MALRD1: variants seen among roughly 807,000 people sequenced by gnomAD.
MALRD1 encodes MAM and LDL receptor class A domain containing 1, also known as MAM and LDL-receptor class A domain-containing protein 1.
In MALRD1, 247 loss-of-function variants were observed where a neutral mutation model predicts 242.1. The ratio of observed to expected loss-of-function variants is 1.02; its 90% CI spans 0.92 to 1.13. MALRD1 has a LOEUF of 1.13. Ranked by LOEUF, MALRD1 falls within the 50% of genes most tolerant of loss-of-function variation. MALRD1 has a pLI of 0.00. For missense variants in MALRD1, 2,989 were observed against 2,533.1 expected (o/e 1.18, Z -3.86); for synonymous variants, 995 against 866.6 (o/e 1.15, Z -2.60).
intron 38 of MALRD1, among the ~76,000 whole-genome samples, chr10:19,699,735 C>T (rs1257024516): frequency 2.0e-5 from 3 of 151,946 alleles, no homozygotes; most frequent in Admixed American, 6.6e-5. Flanking sequence ...GGAGCTTGCA[C>T]GTCACATGGT....
chr10:19,433,916 A>G (rs900980741), intron 28 of MALRD1, among the ~76,000 whole-genome samples: 4 of 152,086 alleles, frequency 2.6e-5, no homozygotes, highest in African/African-American at 9.7e-5. Context: ...GGATATTTAT[A>G]TCATATTTAT....
chr10:19,349,186 C>T (rs1310698651), intron 25 of MALRD1, among the ~76,000 whole-genome samples: 1 of 152,160 alleles, frequency 6.6e-6, no homozygotes, highest in East Asian at 1.9e-4. Flanking sequence ...GTCTCGAACT[C>T]CTGACCTCAG....
chr10:19,420,329 G>A (rs1833676296), intron 28 of MALRD1, among the ~76,000 whole-genome samples: 2 of 152,194 alleles, frequency 1.3e-5, no homozygotes, highest in Non-Finnish European at 2.9e-5. Context: ...GCCGGTAATC[G>A]AAAAACGTTG....
rs5783654 is a variant in MALRD1, at chr10:19,112,150, ATTT to A, written c.694+8092_694+8094del. 7.4e-4 allele frequency among the ~76,000 whole-genome samples: 103 copies of A among 140,042 alleles called. 4 individuals carry two copies. The East Asian group carries it at 0.016, about 22-fold the overall frequency. 91.9% of individuals were successfully genotyped at this position (140,042 alleles called of 152,430 possible). The stretch of plus-strand genomic sequence containing the variant: ...CTGAATTTTAAATAAGATTCTCAGG[ATTT>A]TTTTTTTTTTTTTTTTATGAAGCCA... On this transcript the variant is annotated intron_variant, in intron 5 of 39. Transcript: ENST00000454679.
chr10:19,386,698 A>G (rs1393848842), intron 26 of MALRD1, among the ~76,000 whole-genome samples: 1 of 133,296 alleles, frequency 7.5e-6, no homozygotes, highest in Admixed American at 8.0e-5. Context: ...AGATATATAT[A>G]CACACACAAA....
chr10:19,123,478 T>C lies in MALRD1; in HGVS notation c.695-14T>C. The C allele has an allele frequency of 2.4e-6, 3 of 1,228,382 alleles. No individual in the cohort carries two copies. Among genetic ancestry groups the C allele is most frequent in the Non-Finnish European group, 2.0e-6 (2 of 983,088 alleles). 76.1% of individuals were successfully genotyped at this position (1,228,382 alleles called of 1,614,324 possible). A position where few individuals can be genotyped will look rare whatever the true frequency, so the allele number is the denominator to read the frequency against. ...ACCTGCATTTCACTTCTTGCCAATC[T>C]TTAAATTTAACAGATGGAATTTTAC... On this transcript the variant is annotated splice_polypyrimidine_tract_variant and intron_variant, in intron 5 of 39. Transcript: ENST00000454679.
chr10:19,456,716 G>A (rs1461050871), intron 29 of MALRD1, among the ~76,000 whole-genome samples: 3 of 151,868 alleles, frequency 2.0e-5, no homozygotes, highest in African/African-American at 4.8e-5. Flanking sequence ...GAAAAGTAAT[G>A]CACATCTCGC....
At position 19,238,532 on chromosome 10, in the gene MALRD1, CATTATATATAATAT is replaced by C. The variant is rs1284396058; in HGVS notation, c.2992-19149_2992-19136del. ...TATAATGTATATTATATATAATATA[CATTATATATAATAT>C]ATAATGTATATTATATATAATATAC... On this transcript the variant is annotated intron_variant, in intron 18 of 39. Coordinates refer to ENST00000454679, the MANE Select transcript of MALRD1 (RefSeq NM_001142308.3). Among the ~76,000 whole-genome samples, 114 of 55,860 alleles carry C rather than the reference CATTATATATAATAT, an allele frequency of 2.0e-3. 3 individuals carry two copies. Among genetic ancestry groups the C allele is most frequent in the Non-Finnish European group, 2.5e-3 (79 of 31,156 alleles). The allele number at this position is 55,860 out of a possible 152,430, so 36.6% of individuals were successfully genotyped here. A position where few individuals can be genotyped will look rare whatever the true frequency, so the allele number is the denominator to read the frequency against.
At chr10:19,460,204 G>A (rs1835871411) in intron 29 of MALRD1, among the ~76,000 whole-genome samples, 1 of 152,040 alleles carries the variant, frequency 6.6e-6, no homozygotes, top group African/African-American at 2.4e-5. Flanking sequence ...TGAAGTATAT[G>A]TCATTTAGTC....
chr10:19,661,466 T>A (rs1459696173), intron 36 of MALRD1, among the ~76,000 whole-genome samples: 1 of 152,094 alleles, frequency 6.6e-6, no homozygotes, highest in Non-Finnish European at 1.5e-5. Context: ...TAAAAAAAGA[T>A]GAGTTCATGT....
chr10:19,225,343 G>C (rs1229523455), intron 18 of MALRD1, among the ~76,000 whole-genome samples: 10 of 152,048 alleles, frequency 6.6e-5, no homozygotes, highest in African/African-American at 2.4e-4. Context: ...CAGAATTGTG[G>C]TCTATTGGAG....
At chr10:19,345,542 A>T (rs2130973550) in intron 24 of MALRD1, among the ~76,000 whole-genome samples, 1 of 152,136 alleles carries the variant, frequency 6.6e-6, no homozygotes, top group East Asian at 1.9e-4. Flanking sequence ...GGTTATAAGT[A>T]TTATAGTCTA....
intron 32 of MALRD1, among the ~76,000 whole-genome samples, chr10:19,549,948 T>C (rs1465900162): frequency 6.6e-6 from 1 of 152,212 alleles, no homozygotes; most frequent in African/African-American, 2.4e-5. Context: ...TGGAATATAA[T>C]AGAGAGCAAT....
chr10:19,363,812 T>C (rs1844999248), intron 26 of MALRD1, among the ~76,000 whole-genome samples: 1 of 152,118 alleles, frequency 6.6e-6, no homozygotes, highest in Non-Finnish European at 1.5e-5. Context: ...GAATCATCAA[T>C]AATTTCTTTA....
chr10:19,165,265 A>G (rs57291615), intron 12 of MALRD1, among the ~76,000 whole-genome samples: 28,940 of 130,278 alleles, frequency 0.22, 4,871 homozygotes, highest in Admixed American at 0.31. Flanking sequence ...ATATATATAT[A>G]TTTTGTTTTG....
chr10:19,652,587 G>A (rs373127835), intron 36 of MALRD1, among the ~76,000 whole-genome samples: 5 of 152,176 alleles, frequency 3.3e-5, no homozygotes, highest in South Asian at 4.2e-4. Flanking sequence ...ACCAAGTGTG[G>A]GTCAGTACTG....
intron 33 of MALRD1, among the ~76,000 whole-genome samples, chr10:19,586,082 C>A (rs1388306258): frequency 6.6e-6 from 1 of 152,084 alleles, no homozygotes; most frequent in Non-Finnish European, 1.5e-5. Flanking sequence ...TCCATCAGCT[C>A]CTTTAAGCAC....
intron 14 of MALRD1, among the ~76,000 whole-genome samples, chr10:19,177,633 T>C (rs981300106): frequency 6.6e-6 from 1 of 152,198 alleles, no homozygotes; most frequent in Non-Finnish European, 1.5e-5. Flanking sequence ...GGGAAAAGCA[T>C]GTGCTTTATT....
chr10:19,553,875 A>G lies in MALRD1; in HGVS notation c.5479-13627A>G, dbSNP rs998360910. ...CTCGTCTCCTAGGAAGTTTGAGACT[A>G]GAAGATCTCCAAGGTCCTTTCTAAC... is the stretch of plus-strand genomic sequence containing the variant. On this transcript the variant is annotated intron_variant, in intron 32 of 39. Coordinates refer to ENST00000454679, the MANE Select transcript of MALRD1 (RefSeq NM_001142308.3). 3.3e-5 allele frequency among the ~76,000 whole-genome samples: 5 copies of G among 152,324 alleles called. No homozygotes were observed. In the East Asian group the frequency reaches 7.7e-4, roughly 24 times the overall value.
Sources: allele counts gnomAD v4.1 joint callset (sites outside exome capture counted in the v4.1 genomes callset), GRCh38; gene constraint gnomAD v4.1.1; transcripts MANE v1.5; gene names NCBI Gene and HGNC (gene_info 2026-07-23, HGNC 2026-07-21).